MROH2B: variants seen among roughly 807,000 people sequenced by gnomAD.
The protein encoded by MROH2B is maestro heat-like repeat-containing protein family member 2B.
A neutral mutation model predicts 208.6 loss-of-function variants in MROH2B; 177 were observed. The ratio of observed to expected loss-of-function variants is 0.85; its 90% CI spans 0.75 to 0.96. The LOEUF (loss-of-function observed/expected upper bound fraction) is 0.96. Ranked by LOEUF, MROH2B falls within the 40% of genes least tolerant of loss-of-function variation. The probability of loss-of-function intolerance (pLI) is 0.00; values close to 1 mark genes in which losing one functional copy is unlikely to be tolerated. For missense variants in MROH2B, 2,002 were observed against 1,878.7 expected, an observed-to-expected ratio of 1.07 and a Z score of -1.21; for synonymous variants, 728 against 659.0, an observed-to-expected ratio of 1.10 and a Z score of -1.60.
intron 19 of MROH2B, among the ~76,000 whole-genome samples, chr5:41,041,604 A>G (rs1285300635): frequency 1.3e-5 from 2 of 152,184 alleles, no homozygotes; most frequent in African/African-American, 4.8e-5. Flanking sequence ...ACCCCGGGTG[A>G]CAGAGCGACA....
In MROH2B at chr5:41,005,701, TAGTC is replaced by T. The variant is rs1352267237; in HGVS notation, c.3750-60_3750-57del. 4.3e-6 allele frequency: 6 copies of T among 1,381,964 alleles called. No individual in the cohort carries two copies. The Middle Eastern group carries it at 5.3e-4, about 123-fold the overall frequency. The allele number at this position is 1,381,964 out of a possible 1,614,324, so 85.6% of individuals were successfully genotyped here. A position where few individuals can be genotyped will look rare whatever the true frequency, so the allele number is the denominator to read the frequency against. On this transcript the variant is annotated intron_variant, in intron 34 of 41. Transcript: ENST00000399564. ...TTTTACTAAACAATGGAGGAAATCTTAGTCTGTTTGTTCATCAGGCAAGTAATTT... is the reference window on the plus strand; with the variant it reads ...TTTTACTAAACAATGGAGGAAATCTTTGTTTGTTCATCAGGCAAGTAATTT...
intron 18 of MROH2B, 49 bp from the exon 19 acceptor site, chr5:41,042,257 ACT>A (rs745974810): frequency 1.1e-5 from 13 of 1,152,156 alleles, no homozygotes; most frequent in Middle Eastern, 1.9e-4. Context: ...GGAAAGCAAG[ACT>A]CTGATGAAAA....
At chr5:41,040,376 T>A (rs1742904740) in intron 19 of MROH2B, among the ~76,000 whole-genome samples, 1 of 152,232 alleles carries the variant, frequency 6.6e-6, no homozygotes, top group African/African-American at 2.4e-5. Context: ...TTCAGTGGCA[T>A]AACCCTGCCA....
chr5:41,067,699 C>T (rs1218606248), intron 2 of MROH2B, among the ~76,000 whole-genome samples: 1 of 152,150 alleles, frequency 6.6e-6, no homozygotes, highest in East Asian at 1.9e-4. Context: ...TAACATGCAT[C>T]TTTAGGAGTC....
At chr5:41,066,436 T>G (rs1394457876) in intron 3 of MROH2B, among the ~76,000 whole-genome samples, 1 of 152,204 alleles carries the variant, frequency 6.6e-6, no homozygotes, top group Non-Finnish European at 1.5e-5. Context: ...TTTTGTTGCA[T>G]TTTGAAGCAA....
chr5:41,050,917 C>G (rs964355751), intron 13 of MROH2B, 60 bp downstream of exon 13: 8 of 1,083,636 alleles, frequency 7.4e-6, no homozygotes, highest in Non-Finnish European at 1.1e-5. Context: ...TATTCTTACA[C>G]AGGCTGGGCT....
intron 37 of MROH2B, 28 bp downstream of exon 37, chr5:41,004,318 A>G: frequency 6.2e-7 from 1 of 1,604,192 alleles, no homozygotes; most frequent in East Asian, 2.2e-5. Flanking sequence ...ACTTCTGGGG[A>G]GGGAAGTTCC....
intron 5 of MROH2B, 142 bp from the exon 6 acceptor site, chr5:41,061,866 T>C (rs1451588587): frequency 6.9e-6 from 6 of 864,946 alleles, no homozygotes; most frequent in East Asian, 2.9e-5. Flanking sequence ...AATACACATA[T>C]AGAAAGTGCT....
intron 32 of MROH2B, 87 bp from the exon 33 acceptor site, chr5:41,008,880 T>C (rs1251595340): frequency 1.5e-6 from 2 of 1,326,218 alleles, no homozygotes; most frequent in Non-Finnish European, 2.1e-6. Flanking sequence ...CTTTGTTTTC[T>C]CCACCAGTAA....
intron 24 of MROH2B, among the ~76,000 whole-genome samples, chr5:41,030,313 C>T (rs945949242): frequency 2.0e-5 from 3 of 151,764 alleles, no homozygotes; most frequent in African/African-American, 7.3e-5. Flanking sequence ...TTTTGGGTCA[C>T]AAAAATCAAT....
At chr5:41,017,248 C>T (rs530346507) in intron 28 of MROH2B, among the ~76,000 whole-genome samples, 27 of 152,224 alleles carry the variant, frequency 1.8e-4, no homozygotes, top group Non-Finnish European at 2.5e-4. Context: ...CAGCCTGAGA[C>T]GGAGGTTTAA....
intron 5 of MROH2B, among the ~76,000 whole-genome samples, chr5:41,063,586 G>T (rs911803168): frequency 4.6e-5 from 7 of 152,198 alleles, no homozygotes; most frequent in African/African-American, 1.7e-4. Flanking sequence ...TGGGAAAAAT[G>T]GAATGGAAGA....
chr5:41,065,442 C>G lies in MROH2B; in HGVS notation c.250G>C (p.Ala84Pro). The part of the protein sequence containing the change: ...MLAGEVLVSL[A>P]AHDFNSVMYE... ...ATCACAGAGTTGAAATCATGTGCAG[C>G]AAGAGACACCAAAACCTCACCAGCT... Residue 84 changes from alanine to proline, a missense_variant, in exon 4 of 42, where the codon GCT (alanine) becomes CCT (proline). Ala to Pro is a conservative substitution (Grantham distance 27). Coordinates refer to ENST00000399564, the MANE Select transcript of MROH2B (RefSeq NM_173489.5). 1 of 1,613,416 alleles carries G rather than the reference C, an allele frequency of 6.2e-7. No homozygotes were observed. Among genetic ancestry groups the G allele is most frequent in the Non-Finnish European group, 8.5e-7 (1 of 1,179,668 alleles).
intron 27 of MROH2B, 108 bp from the exon 28 acceptor site, chr5:41,018,078 G>A (rs1333307444): frequency 7.1e-7 from 1 of 1,403,610 alleles, no homozygotes; most frequent in Non-Finnish European, 9.5e-7. Flanking sequence ...CAGGTCCTTA[G>A]AATGAAATTT....
intron 24 of MROH2B, among the ~76,000 whole-genome samples, chr5:41,032,520 C>T (rs1189712764): frequency 6.6e-6 from 1 of 152,038 alleles, no homozygotes; most frequent in African/African-American, 2.4e-5. Context: ...TATAATTCCT[C>T]TGAGTAGCTC....
At chr5:41,023,674 T>C (rs916660116) in intron 24 of MROH2B, among the ~76,000 whole-genome samples, 6 of 151,934 alleles carry the variant, frequency 3.9e-5, no homozygotes, top group African/African-American at 1.5e-4. Flanking sequence ...ATTCAGGAAA[T>C]ACAGAAAATG....
At chr5:41,027,002 T>A (rs1308924968) in intron 24 of MROH2B, among the ~76,000 whole-genome samples, 1 of 152,196 alleles carries the variant, frequency 6.6e-6, no homozygotes, top group Non-Finnish European at 1.5e-5. Context: ...AAGCTGAAAC[T>A]GGATCCCTTC....
chr5:40,998,190 G>A (rs1196012278), intron 41 of MROH2B, 32 bp from the exon 42 acceptor site: 1 of 1,565,126 alleles, frequency 6.4e-7, no homozygotes, highest in Non-Finnish European at 8.8e-7. Context: ...ATAAGTGGAG[G>A]AGGAGAGTCA....
At chr5:41,046,778 G>A (rs1382726715) in intron 17 of MROH2B, among the ~76,000 whole-genome samples, 1 of 152,132 alleles carries the variant, frequency 6.6e-6, no homozygotes, top group African/African-American at 2.4e-5. Context: ...GTAGCAGAAG[G>A]AAATCTGGTA....
Sources: allele counts gnomAD v4.1 joint callset (sites outside exome capture counted in the v4.1 genomes callset), GRCh38; gene constraint gnomAD v4.1.1; transcripts MANE v1.5; gene names NCBI Gene and HGNC (gene_info 2026-07-23, HGNC 2026-07-21).